DPP8: variants seen among roughly 807,000 people sequenced by gnomAD.
The protein encoded by DPP8 is dipeptidyl peptidase 8, also known as DPP VIII.
In DPP8, 31 loss-of-function variants were observed where a neutral mutation model predicts 107.5. That is an observed-to-expected ratio of 0.29 (90% CI 0.22 to 0.39). The LOEUF is 0.39. Among genes scored for constraint, DPP8 ranks in the 10% least tolerant of loss-of-function variants. The pLI is 1.00. For synonymous variants in DPP8, 381 were observed against 356.6 expected (o/e 1.07, Z -0.77); for missense variants, 842 against 1,076.1 (o/e 0.78, Z 3.04).
intron 3 of DPP8, among the ~76,000 whole-genome samples, chr15:65,502,212 C>T (rs552469968): frequency 6.6e-6 from 1 of 151,896 alleles, no homozygotes; most frequent in South Asian, 2.1e-4. Context: ...TGATTTCTTT[C>T]ATTTATGTCC....
Position 65,485,082 on chromosome 15 carries a change from C to T in DPP8, c.1017+17G>A, listed in dbSNP as rs1225180982. 6.3e-7 allele frequency: 1 copy of T among 1,595,128 alleles called. No individual in the cohort carries two copies. On this transcript the variant is annotated intron_variant, in intron 8 of 19. Transcript: ENST00000300141. ...AGTCAAATGACGCAGAAGGTCAACT[C>T]AGCATTTTATACTTACCCTTCCTTC...
At chr15:65,479,850 CAAAAAAAAAAA>C (rs56303808) in intron 10 of DPP8, among the ~76,000 whole-genome samples, 67 of 66,790 alleles carry the variant, frequency 1.0e-3, no homozygotes, top group Admixed American at 1.8e-3. Context: ...GACTCCGTCT[CAAAAAAAAAAA>C]AAAAAAAAAA....
At chr15:65,512,055 T>G in intron 2 of DPP8, 2 of 645,060 alleles carry the variant, frequency 3.1e-6, no homozygotes, top group South Asian at 3.0e-5. Flanking sequence ...GAAGAAGCAA[T>G]TTCTGGCATC....
chr15:65,487,759 C>G lies in DPP8; in HGVS notation c.886G>C (p.Glu296Gln). 1 of 1,598,514 alleles carries G rather than the reference C, an allele frequency of 6.3e-7. No individual in the cohort carries two copies. The highest frequency in any genetic ancestry group is 1.1e-5 in the South Asian group (1 of 90,216). Residue 296 changes from glutamate to glutamine, a missense_variant, in exon 7 of 20, where the codon GAA (glutamate) becomes CAA (glutamine). Glu to Gln is a conservative substitution (Grantham distance 29, BLOSUM62 2). Transcript: ENST00000300141. ...ATAGGGGATGTAACATGAATAATTT[C>G]CACCTCAGATTCATCATTTTCTTCA... ...LYEENDESEV[E>Q]IIHVTSPMLE...
intron 11 of DPP8, chr15:65,475,682 A>G (rs960367113): frequency 5.1e-6 from 3 of 592,688 alleles, no homozygotes; most frequent in African/African-American, 1.9e-5. Flanking sequence ...GTTTAATACA[A>G]TTGTTCTTCA....
intron 8 of DPP8, among the ~76,000 whole-genome samples, chr15:65,484,400 A>T (rs779291050): frequency 2.8e-4 from 42 of 151,924 alleles, no homozygotes; most frequent in Admixed American, 1.2e-3. Context: ...AGTATAGGGT[A>T]TCTTTTTGAG....
chr15:65,456,848 A>G (rs1409598923), intron 15 of DPP8, among the ~76,000 whole-genome samples: 1 of 151,908 alleles, frequency 6.6e-6, no homozygotes, highest in Non-Finnish European at 1.5e-5. Flanking sequence ...ATCTCATACC[A>G]TTTCCCTCCA....
Position 65,463,867 on chromosome 15 carries a change from A to T in DPP8, c.1865T>A (p.Phe622Tyr). The change falls in exon 15 of 20, where the codon TTT becomes TAT. Residue 622 changes from phenylalanine (F) to tyrosine (Y), a missense_variant. Physicochemically the swap from Phe to Tyr is conservative, Grantham distance 22. Transcript: ENST00000300141. ...CAATGTAAATCCAGTAGTACTTTCA[A>T]AAGAGAAAATTTCTGGAGGAGTATA... is the stretch of plus-strand genomic sequence containing the variant. ...PDYTPPEIFSFESTTGFTLYG... is the reference protein window; with the variant it reads ...PDYTPPEIFSYESTTGFTLYG... The T allele has an allele frequency of 6.3e-7, 1 of 1,596,926 alleles. No individual in the cohort carries two copies. Among genetic ancestry groups the T allele is most frequent in the Non-Finnish European group, 8.5e-7 (1 of 1,174,500 alleles).
intron 11 of DPP8, 119 bp from the exon 12 acceptor site, chr15:65,474,407 G>A (rs973553677): frequency 5.8e-6 from 4 of 693,344 alleles, no homozygotes; most frequent in African/African-American, 5.4e-5. Context: ...TAATAAAAAT[G>A]TTTTGGAACT....
At chr15:65,487,310 T>C (rs1198607684) in intron 7 of DPP8, among the ~76,000 whole-genome samples, 1 of 152,078 alleles carries the variant, frequency 6.6e-6, no homozygotes. Context: ...CCACCATGCC[T>C]GGCTAATTTT....
Position 65,444,260 on chromosome 15 carries a change from T to C in DPP8, c.*2624A>G, listed in dbSNP as rs564041737. 1 of 152,352 alleles carries C rather than the reference T, an allele frequency of 6.6e-6. No homozygotes were observed. The highest frequency in any genetic ancestry group is 1.9e-4 in the East Asian group (1 of 5,190). 9.4% of individuals were successfully genotyped at this position (152,352 alleles called of 1,614,324 possible). A position where few individuals can be genotyped will look rare whatever the true frequency, so the allele number is the denominator to read the frequency against. On this transcript the variant is annotated 3_prime_UTR_variant, in exon 20 of 20. Coordinates refer to ENST00000300141, the MANE Select transcript of DPP8 (RefSeq NM_130434.5). ...TAAGAGTGAGATTCAAAACTCTACA[T>C]TTCTTTTAGAAGTATCCCAGATGAA...
At chr15:65,507,775 A>G (rs2070249829) in intron 2 of DPP8, among the ~76,000 whole-genome samples, 1 of 152,114 alleles carries the variant, frequency 6.6e-6, no homozygotes, top group South Asian at 2.1e-4. Flanking sequence ...GTTGCTGTGT[A>G]GAGAAAAGTA....
chr15:65,514,921 C>T (rs1056202602), intron 1 of DPP8, among the ~76,000 whole-genome samples: 3 of 152,214 alleles, frequency 2.0e-5, no homozygotes, highest in African/African-American at 7.2e-5. Context: ...AGTTCACCTG[C>T]AAACCAGTGC....
intron 2 of DPP8, among the ~76,000 whole-genome samples, chr15:65,510,695 C>T (rs1455129843): frequency 1.3e-5 from 2 of 152,170 alleles, no homozygotes; most frequent in Non-Finnish European, 2.9e-5. Flanking sequence ...TGTACTACCA[C>T]GCCTGACTAA....
At chr15:65,467,017 C>T in intron 13 of DPP8, 54 bp downstream of exon 13, 2 of 1,598,262 alleles carry the variant, frequency 1.3e-6, no homozygotes, top group Non-Finnish European at 1.7e-6. Context: ...AGGAGTATTA[C>T]ATAAGCAGAG....
At chr15:65,492,883 C>T (rs1326785717) in intron 5 of DPP8, among the ~76,000 whole-genome samples, 6 of 152,092 alleles carry the variant, frequency 3.9e-5, no homozygotes, top group African/African-American at 1.2e-4. Context: ...CAGGTGTGAG[C>T]CACTGCACCT....
chr15:65,459,409 C>T (rs1478188514), intron 15 of DPP8: 1 of 152,088 alleles, frequency 6.6e-6, no homozygotes, highest in Non-Finnish European at 1.5e-5. Context: ...CTAAAGCGAT[C>T]CTCTTGTTTA....
chr15:65,489,309 C>T (rs909580460), intron 6 of DPP8, among the ~76,000 whole-genome samples: 3 of 151,934 alleles, frequency 2.0e-5, no homozygotes, highest in Non-Finnish European at 4.4e-5. Flanking sequence ...ATTACCAAGA[C>T]CAGCCTCTAG....
intron 3 of DPP8, among the ~76,000 whole-genome samples, chr15:65,506,506 T>C (rs1483760075): frequency 1.3e-5 from 2 of 151,810 alleles, no homozygotes; most frequent in African/African-American, 2.4e-5. Flanking sequence ...CTCAGCACTG[T>C]GGGAAGCCGA....
Sources: allele counts gnomAD v4.1 joint callset (sites outside exome capture counted in the v4.1 genomes callset), GRCh38; gene constraint gnomAD v4.1.1; transcripts MANE v1.5; gene names NCBI Gene and HGNC (gene_info 2026-07-23, HGNC 2026-07-21).